Variants in ALDH9A1 observed in about 807,000 individuals in gnomAD.
The protein encoded by ALDH9A1 is 4-trimethylaminobutyraldehyde dehydrogenase.
Under a neutral mutation model 56.6 loss-of-function variants are expected in ALDH9A1, and 42 were observed. That is an observed-to-expected ratio of 0.74 (90% CI 0.58 to 0.96). The LOEUF (loss-of-function observed/expected upper bound fraction) is 0.96. Ranked by LOEUF, ALDH9A1 falls within the 40% of genes least tolerant of loss-of-function variation. The pLI is 0.00. For missense variants in ALDH9A1, 661 were observed against 651.5 expected, an observed-to-expected ratio of 1.01 and a Z score of -0.16; for synonymous variants, 242 against 236.0, an observed-to-expected ratio of 1.03 and a Z score of -0.23.
At chr1:165,682,868 A>G in intron 3 of ALDH9A1, 113 bp downstream of exon 3, 2 of 1,282,614 alleles carry the variant, frequency 1.6e-6, no homozygotes, top group Non-Finnish European at 2.1e-6. Flanking sequence ...AAAGTGACAA[A>G]CCCAAGACTT....
At chr1:165,695,430 A>G (rs768728164) in intron 1 of ALDH9A1, 33 bp from the exon 2 acceptor site, 18 of 1,541,550 alleles carry the variant, frequency 1.2e-5, no homozygotes, top group African/African-American at 1.4e-5. Flanking sequence ...TTTTAACTCA[A>G]ATTGTTGCCA....
intron 6 of ALDH9A1, among the ~76,000 whole-genome samples, chr1:165,674,575 A>G (rs1441796184): frequency 6.6e-6 from 1 of 150,478 alleles, no homozygotes; most frequent in Non-Finnish European, 1.5e-5. Flanking sequence ...AATCCCAGCT[A>G]CTCAGGAGGC....
In ALDH9A1 at chr1:165,668,956, C is replaced by T. The variant is rs1362983570; in HGVS notation, c.1177G>A (p.Asp393Asn). 1 of 1,610,854 alleles carries T rather than the reference C, an allele frequency of 6.2e-7. No homozygotes were observed. Among genetic ancestry groups the T allele is most frequent in the Non-Finnish European group, 8.5e-7 (1 of 1,177,296 alleles). ...IYVPEDPKLKDGYYMRPCVLT... is the reference protein window; with the variant it reads ...IYVPEDPKLKNGYYMRPCVLT... ...ACACAAGGTCTCATGTAATATCCATCCTTTAATTTGGGATCTTCAGGTACA... is the reference window on the plus strand; with the variant it reads ...ACACAAGGTCTCATGTAATATCCATTCTTTAATTTGGGATCTTCAGGTACA... Residue 393 changes from aspartate to asparagine, a missense_variant, in exon 8 of 11, where the codon GAT (aspartate) becomes AAT (asparagine). Coordinates refer to ENST00000354775, the MANE Select transcript of ALDH9A1 (RefSeq NM_000696.4).
chr1:165,682,908 T>G (rs1649594330), intron 3 of ALDH9A1, 73 bp downstream of exon 3: 1 of 1,519,918 alleles, frequency 6.6e-7, no homozygotes, highest in Non-Finnish European at 8.9e-7. Flanking sequence ...TTCCAAAATC[T>G]TTGCCCTTCA....
intron 2 of ALDH9A1, among the ~76,000 whole-genome samples, chr1:165,690,506 AGAAGACG>A (rs1649854615): frequency 6.6e-6 from 1 of 152,206 alleles, no homozygotes; most frequent in Admixed American, 6.5e-5. Flanking sequence ...TGATCAATGC[AGAAGACG>A]GTGATTTCTG....
chr1:165,664,997 T>C lies in ALDH9A1; in HGVS notation c.1462+21A>G, dbSNP rs762891910. The C allele has an allele frequency of 3.8e-6, 6 of 1,597,722 alleles. No homozygotes were observed. In the East Asian group the frequency reaches 1.3e-4, roughly 36 times the overall value. On this transcript the variant is annotated intron_variant, in intron 10 of 10. Transcript: ENST00000354775. ...CTAGCTCTAGAGACCTAGTTTGCAT[T>C]CACACCTCCCAGCTCCTCACCTGAC...
At chr1:165,663,302 G>A (rs1648902794) in intron 10 of ALDH9A1, among the ~76,000 whole-genome samples, 158 bp from the exon 11 acceptor site, 1 of 152,180 alleles carries the variant, frequency 6.6e-6, no homozygotes, top group Middle Eastern at 3.2e-3. Context: ...GCTGTGAATG[G>A]AGCTAGGCAT....
intron 1 of ALDH9A1, 90 bp from the exon 2 acceptor site, chr1:165,695,487 CTTTTT>C (rs34894576): frequency 7.0e-4 from 236 of 337,766 alleles, no homozygotes; most frequent in East Asian, 1.2e-3. Context: ...TAGTAGTAGT[CTTTTT>C]TTTTTTTTTT....
intron 1 of ALDH9A1, among the ~76,000 whole-genome samples, chr1:165,695,645 G>A (rs11807857): frequency 0.23 from 35,424 of 150,966 alleles, 4,390 homozygotes; most frequent in Middle Eastern, 0.35. Flanking sequence ...ACCAGTGCAC[G>A]CCACTACGCC....
At position 165,668,919 on chromosome 1, in the gene ALDH9A1, G is replaced by A; in HGVS notation, c.1207+7C>T. The A allele has an allele frequency of 6.4e-7, 1 of 1,555,582 alleles. No individual in the cohort carries two copies. The highest frequency in any genetic ancestry group is 1.7e-4 in the Middle Eastern group (1 of 5,924). On this transcript the variant is annotated splice_region_variant and intron_variant, in intron 8 of 10. Transcript: ENST00000354775. ...ATCATCTAAAAGCAAACAAAAAGAG[G>A]ACATACTTAATACACAAGGTCTCAT...
At chr1:165,691,369 C>T (rs1649884641) in intron 2 of ALDH9A1, among the ~76,000 whole-genome samples, 1 of 152,166 alleles carries the variant, frequency 6.6e-6, no homozygotes, top group South Asian at 2.1e-4. Context: ...CACACCAAAA[C>T]CCCATATGTA....
Position 165,680,650 on chromosome 1 carries a change from G to A in ALDH9A1, c.626C>T (p.Thr209Ile), listed in dbSNP as rs752870482. 5.6e-6 allele frequency: 9 copies of A among 1,613,376 alleles called. No homozygotes were observed. In the South Asian group the frequency reaches 6.6e-5, roughly 12 times the overall value. The change falls in exon 5 of 11, where the codon ACA becomes ATA. Residue 209 changes from threonine to isoleucine, a missense_variant. Transcript: ENST00000354775. ...AGCCAGTAGCAATGCAGAAACAGGT[G>A]TAAAGGGAGAAGGTTTAAAGACCAT... ...NAMVFKPSPF[T>I]PVSALLLAEI...
chr1:165,669,324 G>A lies in ALDH9A1; in HGVS notation c.1057C>T (p.Pro353Ser). ...DPLLEDTRMG[P>S]LINRPHLERV... ...TCCAGGTGTGGTCGGTTGATGAGTG[G>A]ACCCATCCTTGTATCTTCCAGAAGG... The change falls in exon 7 of 11, where the codon CCA (proline) becomes TCA (serine). Residue 353 changes from proline to serine, a missense_variant. Transcript: ENST00000354775. 1 of 1,613,930 alleles carries A rather than the reference G, an allele frequency of 6.2e-7. No homozygotes were observed. The highest frequency in any genetic ancestry group is 8.5e-7 in the Non-Finnish European group (1 of 1,179,926).
chr1:165,697,542 T>G (rs1650128965), intron 1 of ALDH9A1, among the ~76,000 whole-genome samples: 1 of 152,190 alleles, frequency 6.6e-6, no homozygotes, highest in Non-Finnish European at 1.5e-5. Flanking sequence ...CAATTCTGAT[T>G]AATGTGCAGA....
intron 2 of ALDH9A1, among the ~76,000 whole-genome samples, chr1:165,687,529 A>C (rs1172789575): frequency 1.3e-5 from 2 of 152,206 alleles, no homozygotes; most frequent in African/African-American, 4.8e-5. Flanking sequence ...AATGACAGTA[A>C]ATTTCTCTTC....
intron 2 of ALDH9A1, among the ~76,000 whole-genome samples, chr1:165,688,070 A>G (rs1419638090): frequency 1.3e-5 from 2 of 152,072 alleles, no homozygotes; most frequent in African/African-American, 4.8e-5. Context: ...CAGTCCCAGC[A>G]CTTTGGGAAG....
intron 1 of ALDH9A1, 31 bp from the exon 2 acceptor site, chr1:165,695,428 C>T: frequency 6.7e-7 from 1 of 1,500,390 alleles, no homozygotes. Context: ...AGTTTTAACT[C>T]AAATTGTTGC....
chr1:165,688,145 G>A (rs910522177), intron 2 of ALDH9A1, among the ~76,000 whole-genome samples: 2 of 151,942 alleles, frequency 1.3e-5, no homozygotes, highest in Non-Finnish European at 2.9e-5. Flanking sequence ...GAATAAACCC[G>A]CTCTCTACAA....
intron 6 of ALDH9A1, among the ~76,000 whole-genome samples, chr1:165,674,685 CAA>C (rs36011778): frequency 6.9e-4 from 80 of 115,554 alleles, no homozygotes; most frequent in East Asian, 2.1e-3. Context: ...GACTCCGAAT[CAA>C]AAAAAAAAAA....
Sources: gnomAD v4.1 joint callset for allele counts (sites outside exome capture counted in the v4.1 genomes callset) on GRCh38, gnomAD v4.1.1 for gene constraint, MANE v1.5 for transcripts, NCBI Gene and HGNC (gene_info 2026-07-23, HGNC 2026-07-21) for gene names.